The following EFCAB8 variants were observed in gnomAD, a reference collection of about 807,000 sequenced individuals.
The protein encoded by EFCAB8 is EF-hand calcium binding domain 8.
Under a neutral mutation model 116.3 loss-of-function variants are expected in EFCAB8, and 100 were observed. That is an observed-to-expected ratio of 0.86 (90% CI 0.73 to 1.02). The LOEUF (loss-of-function observed/expected upper bound fraction) is 1.02. Among genes scored for constraint, EFCAB8 ranks in the 50% least tolerant of loss-of-function variants. The probability of loss-of-function intolerance (pLI) is 0.00; values close to 1 mark genes in which losing one functional copy is unlikely to be tolerated. For missense variants in EFCAB8, 1,320 were observed against 1,416.9 expected, an observed-to-expected ratio of 0.93 and a Z score of 1.10; for synonymous variants, 558 against 567.9, an observed-to-expected ratio of 0.98 and a Z score of 0.25.
At chr20:32,875,833 C>A in intron 3 of EFCAB8, 93 bp from the exon 4 acceptor site, 1 of 1,135,004 alleles carries the variant, frequency 8.8e-7, no homozygotes, top group South Asian at 1.4e-5. Context: ...CAGTGTGTCC[C>A]CCTCAGCACC....
At chr20:32,910,996 C>G (rs1023404989) in intron 15 of EFCAB8, among the ~76,000 whole-genome samples, 2 of 152,154 alleles carry the variant, frequency 1.3e-5, no homozygotes, top group South Asian at 4.1e-4. Context: ...CCTCAGCCTC[C>G]CAAAGTTTTA....
intron 22 of EFCAB8, among the ~76,000 whole-genome samples, chr20:32,941,121 G>A (rs1376411892): frequency 2.0e-5 from 3 of 149,234 alleles, no homozygotes; most frequent in Admixed American, 6.6e-5. Context: ...GCATGATGGC[G>A]GGTGCCTGTA....
intron 6 of EFCAB8, among the ~76,000 whole-genome samples, chr20:32,886,645 A>G (rs368402091): frequency 5.7e-4 from 86 of 151,988 alleles, no homozygotes; most frequent in African/African-American, 2.0e-3. Flanking sequence ...ATAGCCATCC[A>G]CCTTACCTTT....
intron 26 of EFCAB8, 114 bp downstream of exon 26, chr20:32,960,275 C>A: frequency 1.0e-6 from 1 of 970,250 alleles, no homozygotes; most frequent in Non-Finnish European, 1.6e-6. Flanking sequence ...TGGACAGGAG[C>A]CTTTGTCCTT....
intron 23 of EFCAB8, 117 bp from the exon 24 acceptor site, chr20:32,958,304 T>G (rs887490021): frequency 2.5e-6 from 1 of 401,360 alleles, no homozygotes; most frequent in Non-Finnish European, 4.5e-6. Context: ...TTTGAGTGAG[T>G]GTGGGGGCTG....
At chr20:32,874,329 C>G (rs1283777711) in intron 3 of EFCAB8, among the ~76,000 whole-genome samples, 1 of 151,992 alleles carries the variant, frequency 6.6e-6, no homozygotes, top group Middle Eastern at 3.2e-3. Context: ...TTCAAGCCAT[C>G]CTCCCACCTC....
At chr20:32,943,544 A>C (rs1192604263) in intron 22 of EFCAB8, 92 bp from the exon 23 acceptor site, 1 of 415,730 alleles carries the variant, frequency 2.4e-6, no homozygotes, top group African/African-American at 2.1e-5. Context: ...GGCCCTTCCA[A>C]CTGGGCTCTG....
Position 32,959,863 on chromosome 20 carries a change from A to G in EFCAB8, c.3175A>G (p.Lys1059Glu), listed in dbSNP as rs1989086612. The stretch of plus-strand genomic sequence containing the variant: ...GGCTCTCCTGCATGGGAAGGCAGAT[A>G]AGGAGGCAGACACTTGGGCCAAGCT... Reference protein sequence around the residue: ...LMALLHGKADKEADTWAKLQK... With the variant: ...LMALLHGKADEEADTWAKLQK... The change falls in exon 25 of 27, where the codon AAG becomes GAG. Residue 1059 changes from lysine (K) to glutamate (E), a missense_variant. Lys to Glu is a moderately conservative substitution (Grantham distance 56). Coordinates refer to ENST00000400522, the MANE Select transcript of EFCAB8 (RefSeq NM_001143967.2). 1.9e-6 allele frequency: 3 copies of G among 1,550,584 alleles called. No individual in the cohort carries two copies. The highest frequency in any genetic ancestry group is 4.9e-5 in the East Asian group (2 of 40,916).
At chr20:32,932,617 A>G (rs1313949366) in intron 22 of EFCAB8, among the ~76,000 whole-genome samples, 4 of 152,212 alleles carry the variant, frequency 2.6e-5, no homozygotes, top group Non-Finnish European at 5.9e-5. Flanking sequence ...TACTGAAGGT[A>G]TCATTTCACT....
rs1189229906 is a variant in EFCAB8, at chr20:32,930,581, A to G, written c.2596A>G (p.Ile866Val). 3 of 1,552,258 alleles carry G rather than the reference A, an allele frequency of 1.9e-6. No homozygotes were observed. Among genetic ancestry groups the G allele is most frequent in the Non-Finnish European group, 2.6e-6 (3 of 1,147,120 alleles). The change falls in exon 21 of 27, where the codon ATC becomes GTC. Residue 866 changes from isoleucine (I) to valine (V), a missense_variant. Coordinates refer to ENST00000400522, the MANE Select transcript of EFCAB8 (RefSeq NM_001143967.2). ...GAMATDKNDW[I>V]LITGDCKGYI... ...CATGGCCACTGATAAAAATGACTGG[A>G]TCCTCATCACGGGGGATTGTAAAGG...
At chr20:32,885,267 C>T (rs1370728900) in intron 5 of EFCAB8, among the ~76,000 whole-genome samples, 1 of 152,222 alleles carries the variant, frequency 6.6e-6, no homozygotes, top group East Asian at 1.9e-4. Context: ...ACTTCTGGAG[C>T]CCCGCCTCAT....
At chr20:32,939,123 TTCTCTTTCTTTCTTTCTTTCTTTCTTTC>T (rs1283980198) in intron 22 of EFCAB8, among the ~76,000 whole-genome samples, 2 of 112,748 alleles carry the variant, frequency 1.8e-5, no homozygotes, top group African/African-American at 6.9e-5. Flanking sequence ...CTCTCTTTCT[TTCTCTTTCTTTCTTTCTTTCTTTCTTTC>T]TTTCTTTCTT....
chr20:32,907,358 G>A (rs1252771196), intron 13 of EFCAB8, among the ~76,000 whole-genome samples: 1 of 152,230 alleles, frequency 6.6e-6, no homozygotes, highest in Non-Finnish European at 1.5e-5. Context: ...CCGTTCCCCT[G>A]CGCTGCCCCT....
intron 23 of EFCAB8, among the ~76,000 whole-genome samples, chr20:32,947,588 T>C (rs1988635392): frequency 6.6e-6 from 1 of 152,134 alleles, no homozygotes; most frequent in Admixed American, 6.5e-5. Context: ...AAATGACACA[T>C]TTCTAAATAA....
Position 32,908,286 on chromosome 20 carries a change from G to T in EFCAB8, c.1320G>T (p.Val440=). The change falls in exon 14 of 27, where the codon GTG becomes GTT. Residue 440 remains valine, a synonymous_variant. Transcript: ENST00000400522. ...TTCCCATCCCCCAGAATATTCGCGT[G>T]TGGGACATGCTGGACTACATATGCC... The part of the protein sequence containing the change: ...ISVSKDKNIR[V]WDMLDYICLQ... 1 of 1,249,884 alleles carries T rather than the reference G, an allele frequency of 8.0e-7. No homozygotes were observed. The highest frequency in any genetic ancestry group is 1.0e-6 in the Non-Finnish European group (1 of 988,248). The allele number at this position is 1,249,884 out of a possible 1,614,324, so 77.4% of individuals were successfully genotyped here.
At chr20:32,909,696 A>C in intron 14 of EFCAB8, 125 bp from the exon 15 acceptor site, 1 of 425,548 alleles carries the variant, frequency 2.3e-6, no homozygotes, top group Non-Finnish European at 4.1e-6. Context: ...TCTTGCTGGA[A>C]TCAGGCCTGC....
intron 1 of EFCAB8, among the ~76,000 whole-genome samples, chr20:32,859,670 T>G (rs939429492): frequency 2.0e-5 from 3 of 152,258 alleles, no homozygotes; most frequent in Non-Finnish European, 4.4e-5. Context: ...GTGAACATTT[T>G]GCCACATTTG....
intron 10 of EFCAB8, among the ~76,000 whole-genome samples, chr20:32,897,972 C>G (rs1003210204): frequency 6.6e-6 from 1 of 152,160 alleles, no homozygotes; most frequent in Non-Finnish European, 1.5e-5. Flanking sequence ...GAGTTGGCGC[C>G]GGAGAATTCA....
chr20:32,908,461 C>T, intron 14 of EFCAB8, 49 bp downstream of exon 14: 1 of 1,249,238 alleles, frequency 8.0e-7, no homozygotes, highest in Middle Eastern at 2.2e-4. Flanking sequence ...AGGTGGAGGG[C>T]CAGGGTCTGA....
Sources: gnomAD v4.1 joint callset for allele counts (sites outside exome capture counted in the v4.1 genomes callset) on GRCh38, gnomAD v4.1.1 for gene constraint, MANE v1.5 for transcripts, NCBI Gene and HGNC (gene_info 2026-07-23, HGNC 2026-07-21) for gene names.